Variants in PMPCB observed in about 807,000 individuals in gnomAD.
PMPCB encodes the protein mitochondrial-processing peptidase subunit beta.
A neutral mutation model predicts 61.5 loss-of-function variants in PMPCB; 46 were observed. The ratio of observed to expected loss-of-function variants is 0.75; its 90% confidence interval spans 0.59 to 0.96. The LOEUF is 0.96. Among genes scored for constraint, PMPCB ranks in the 40% least tolerant of loss-of-function variants. The probability of loss-of-function intolerance (pLI) is 0.00; values close to 1 mark genes in which losing one functional copy is unlikely to be tolerated. For synonymous variants in PMPCB, 191 were observed against 201.6 expected (o/e 0.95, Z 0.44); for missense variants, 590 against 602.4 (o/e 0.98, Z 0.22).
At chr7:103,343,809 T>G in the PMPCB span, among the ~76,000 whole-genome samples, 1 of 152,180 alleles carries the variant, frequency 6.6e-6, no homozygotes, top group South Asian at 2.1e-4. Flanking sequence ...GAACACTGCC[T>G]TTTAAGCCTT....
chr7:103,299,443 G>A lies in PMPCB; in HGVS notation c.241G>A (p.Val81Ile). 6 of 1,585,256 alleles carry A rather than the reference G, an allele frequency of 3.8e-6. No individual in the cohort carries two copies. Among genetic ancestry groups the A allele is most frequent in the Non-Finnish European group, 4.3e-6 (5 of 1,154,948 alleles). The change falls in exon 3 of 13, where the codon GTT (valine) becomes ATT (isoleucine). Residue 81 changes from valine to isoleucine, a missense_variant and splice_region_variant. By Grantham distance (29) the Val-to-Ile change is conservative. Transcript: ENST00000249269. ...TTAATTGTTCTTTGATTGCATTAAG[G>A]TTGGACTCTGGATTGATGCTGGAAG... ...SEDSGLSTCT[V>I]GLWIDAGSRY...
Position 103,312,937 on chromosome 7 carries a change from A to G in PMPCB, c.*666A>G. On this transcript the variant is annotated 3_prime_UTR_variant, in exon 13 of 13. Transcript: ENST00000249269. ...AAATACAACAATCTATAAACGCTTA[A>G]GTCTGCAACCTTGTATCGTTTCATG... The G allele has an allele frequency of 6.2e-7, 1 of 1,602,754 alleles. No individual in the cohort carries two copies. Among genetic ancestry groups the G allele is most frequent in the Non-Finnish European group, 8.5e-7 (1 of 1,177,274 alleles).
At chr7:103,340,552 G>C in the PMPCB span, among the ~76,000 whole-genome samples, 1 of 152,114 alleles carries the variant, frequency 6.6e-6, no homozygotes, top group Non-Finnish European at 1.5e-5. Context: ...AAACCTTTGA[G>C]CTGTTAACAA....
At chr7:103,311,466 G>C (rs1817749395) in intron 9 of PMPCB, 177 bp from the exon 10 acceptor site, 4 of 598,248 alleles carry the variant, frequency 6.7e-6, no homozygotes, top group Non-Finnish European at 8.9e-6. Flanking sequence ...GCATGTTTAT[G>C]TATCATTTTT....
Position 103,313,029 on chromosome 7 carries a change from G to T in PMPCB, c.*758G>T, listed in dbSNP as rs761601201. On this transcript the variant is annotated 3_prime_UTR_variant, in exon 13 of 13. Coordinates refer to ENST00000249269, the MANE Select transcript of PMPCB (RefSeq NM_004279.3). Reference sequence around the variant, plus strand: ...TTCCCATCTTTCAGGTGTATTTACTGGGTATGTTTTCAAAGCTTGTTCCAA... The same window carrying T: ...TTCCCATCTTTCAGGTGTATTTACTTGGTATGTTTTCAAAGCTTGTTCCAA... 5.6e-6 allele frequency: 9 copies of T among 1,613,964 alleles called. No homozygotes were observed. The Admixed American group carries it at 1.5e-4, about 27-fold the overall frequency.
At chr7:103,327,500 C>G in intron 12 of PMPCB, 1 of 683,180 alleles carries the variant, frequency 1.5e-6, no homozygotes, top group Non-Finnish European at 2.4e-6. Context: ...TCGTGAGGCT[C>G]TGGGGTGATG....
chr7:103,321,998 C>T lies in PMPCB; in HGVS notation c.*1432-6933C>T, dbSNP rs754335124. ...CTTTTTTCTGGATATCTTTTTCCTT[C>T]TTTGCCAGCAATGCTTGCTGTCTGA... is the stretch of plus-strand genomic sequence containing the variant. On this transcript the variant is annotated intron_variant and NMD_transcript_variant, in intron 12 of 12. Transcript: ENST00000444457. 1.9e-6 allele frequency: 3 copies of T among 1,613,898 alleles called. No individual in the cohort carries two copies. In the East Asian group the frequency reaches 6.7e-5, roughly 36 times the overall value.
the PMPCB span, among the ~76,000 whole-genome samples, chr7:103,341,010 C>A: frequency 6.6e-6 from 1 of 152,152 alleles, no homozygotes; most frequent in Admixed American, 6.5e-5. Context: ...CTGGGAAGGA[C>A]CTCTGAATAC....
At chr7:103,328,612 C>CA (rs1818832950) in intron 12 of PMPCB, among the ~76,000 whole-genome samples, 2 of 151,892 alleles carry the variant, frequency 1.3e-5, no homozygotes, top group Non-Finnish European at 2.9e-5. Flanking sequence ...GCCTGGGTGA[C>CA]AGAGTGAGAC....
At chr7:103,343,037 TTG>T in the PMPCB span, among the ~76,000 whole-genome samples, 1 of 151,952 alleles carries the variant, frequency 6.6e-6, no homozygotes, top group African/African-American at 2.4e-5. Flanking sequence ...TTTGCTCTTG[TTG>T]TCCAGGCTGT....
At chr7:103,344,429 G>A in the PMPCB span, 8 of 1,006,392 alleles carry the variant, frequency 7.9e-6, no homozygotes, top group Non-Finnish European at 1.1e-5. Flanking sequence ...AAAGGCACTC[G>A]TCACGGCCCC....
chr7:103,304,213 A>C (rs958477652), intron 5 of PMPCB, among the ~76,000 whole-genome samples, 173 bp downstream of exon 5: 8 of 152,242 alleles, frequency 5.3e-5, no homozygotes, highest in African/African-American at 1.9e-4. Flanking sequence ...GTGAGTTCAT[A>C]GGTACTTCGG....
rs948095120 is a variant in PMPCB, at chr7:103,313,385, C to T, written c.*1114C>T. 2 of 1,101,478 alleles carry T rather than the reference C, an allele frequency of 1.8e-6. No homozygotes were observed. The highest frequency in any genetic ancestry group is 1.1e-6 in the Non-Finnish European group (1 of 906,554). The allele number at this position is 1,101,478 out of a possible 1,614,324, so 68.2% of individuals were successfully genotyped here. On this transcript the variant is annotated 3_prime_UTR_variant, in exon 13 of 13. Coordinates refer to ENST00000249269, the MANE Select transcript of PMPCB (RefSeq NM_004279.3). ...CTTAAAAATCAATGTAATACACTCA[C>T]CAGACTGGTAAAAAGCCATATTTAA...
intron 12 of PMPCB, among the ~76,000 whole-genome samples, chr7:103,328,037 C>T (rs1196798374): frequency 6.6e-6 from 1 of 152,106 alleles, no homozygotes; most frequent in Non-Finnish European, 1.5e-5. Flanking sequence ...TCTCCTGCCT[C>T]AGCCTCTGGA....
At chr7:103,319,032 C>T (rs142122854), downstream of PMPCB, among the ~76,000 whole-genome samples, 4,249 of 152,012 alleles carry the variant, frequency 0.028, 214 homozygotes, top group African/African-American at 0.097. Context: ...GCCAACACAG[C>T]GAAACCCTGT....
chr7:103,315,749 A>G (rs752109054), downstream of PMPCB: 1 of 1,602,710 alleles, frequency 6.2e-7, no homozygotes, highest in Non-Finnish European at 8.5e-7. Context: ...CTACGTTTAG[A>G]AAAGCAAAAT....
the PMPCB span, among the ~76,000 whole-genome samples, chr7:103,345,312 A>G: frequency 6.6e-6 from 1 of 152,184 alleles, no homozygotes; most frequent in African/African-American, 2.4e-5. Context: ...ACCTTGTTCT[A>G]ATGAAGTTTT....
chr7:103,305,843 T>G (rs1027749748), intron 6 of PMPCB, among the ~76,000 whole-genome samples: 1 of 152,196 alleles, frequency 6.6e-6, no homozygotes, highest in Non-Finnish European at 1.5e-5. Flanking sequence ...GCTTAAGTGT[T>G]TGAAACTGCC....
At chr7:103,315,885 AAAATT>A, downstream of PMPCB, 1 of 1,582,806 alleles carries the variant, frequency 6.3e-7, no homozygotes, top group Non-Finnish European at 8.7e-7. Flanking sequence ...AGAAATGAAA[AAAATT>A]TAATACTTAA....
Sources: allele counts gnomAD v4.1 joint callset (sites outside exome capture counted in the v4.1 genomes callset), GRCh38; gene constraint gnomAD v4.1.1; transcripts MANE v1.5; gene names NCBI Gene and HGNC (gene_info 2026-07-23, HGNC 2026-07-21).